Variants in SNTB1 observed in about 807,000 individuals in gnomAD.
The protein encoded by SNTB1 is beta-1-syntrophin.
A neutral mutation model predicts 48.9 loss-of-function variants in SNTB1; 36 were observed. That is an observed-to-expected ratio of 0.74 (90% CI 0.56 to 0.97). SNTB1 has a LOEUF of 0.97. Ranked by LOEUF, SNTB1 falls within the 50% of genes least tolerant of loss-of-function variation. SNTB1 has a pLI of 0.00. For synonymous variants in SNTB1, 299 were observed against 294.6 expected, an observed-to-expected ratio of 1.01 and a Z score of -0.15; for missense variants, 786 against 703.4, an observed-to-expected ratio of 1.12 and a Z score of -1.33.
Position 120,774,903 on chromosome 8 carries a change from C to T in SNTB1, c.571+36370G>A, listed in dbSNP as rs190600366. 5.7e-3 allele frequency among the ~76,000 whole-genome samples: 874 copies of T among 152,232 alleles called. 8 individuals are homozygous for T. The highest frequency in any genetic ancestry group is 0.02 in the African/African-American group (835 of 41,528). On this transcript the variant is annotated intron_variant, in intron 1 of 6. Coordinates refer to ENST00000517992, the MANE Select transcript of SNTB1 (RefSeq NM_021021.4). ...TCCTGACCTCAAGTGATCCACCTGCCTCAGCCTCCCCAAGTGCTGAGATTA... is the reference window on the plus strand; with the variant it reads ...TCCTGACCTCAAGTGATCCACCTGCTTCAGCCTCCCCAAGTGCTGAGATTA...
intron 4 of SNTB1, chr8:120,571,345 A>T (rs971997466): frequency 1.6e-6 from 2 of 1,288,022 alleles, no homozygotes; most frequent in South Asian, 2.5e-5. Context: ...GAATCTGAAG[A>T]TAATGTTCAC....
intron 4 of SNTB1, among the ~76,000 whole-genome samples, chr8:120,560,951 T>C (rs1815644104): frequency 6.6e-6 from 1 of 152,100 alleles, no homozygotes; most frequent in Non-Finnish European, 1.5e-5. Flanking sequence ...CCCACGGCTA[T>C]ATGACTACAG....
intron 4 of SNTB1, among the ~76,000 whole-genome samples, chr8:120,571,888 ATTAC>A (rs900215286): frequency 3.9e-5 from 6 of 152,100 alleles, no homozygotes; most frequent in Non-Finnish European, 7.3e-5. Context: ...CAAATATTAA[ATTAC>A]TTTTAAATTT....
chr8:120,568,942 T>C (rs540201024), intron 4 of SNTB1, among the ~76,000 whole-genome samples: 20 of 152,202 alleles, frequency 1.3e-4, no homozygotes, highest in Non-Finnish European at 2.4e-4. Context: ...GGTTGCATCA[T>C]AGACACTGAT....
At chr8:120,673,360 G>A (rs374379952) in intron 2 of SNTB1, among the ~76,000 whole-genome samples, 77 of 150,118 alleles carry the variant, frequency 5.1e-4, no homozygotes, top group Non-Finnish European at 8.9e-4. Context: ...GTGTGGTCTC[G>A]GCTCACTGCA....
intron 5 of SNTB1, among the ~76,000 whole-genome samples, chr8:120,546,714 T>A (rs1815386913): frequency 6.6e-6 from 1 of 152,090 alleles, no homozygotes; most frequent in African/African-American, 2.4e-5. Flanking sequence ...AGCTGATCCA[T>A]CCACCTCAGC....
At chr8:120,795,581 A>T (rs552819731) in intron 1 of SNTB1, among the ~76,000 whole-genome samples, 32 of 152,178 alleles carry the variant, frequency 2.1e-4, no homozygotes, top group African/African-American at 7.7e-4. Context: ...ACTCCCTATT[A>T]ACTTCTAATG....
chr8:120,677,325 C>T (rs556421301), intron 2 of SNTB1, among the ~76,000 whole-genome samples: 2 of 152,300 alleles, frequency 1.3e-5, no homozygotes, highest in South Asian at 4.1e-4. Context: ...TGGAAAGCTT[C>T]TACACTTTCT....
intron 3 of SNTB1, among the ~76,000 whole-genome samples, chr8:120,585,551 T>C (rs1044221342): frequency 4.6e-5 from 7 of 152,246 alleles, no homozygotes; most frequent in Non-Finnish European, 1.0e-4. Flanking sequence ...GTTAATATGT[T>C]GTTCCAGTAA....
intron 4 of SNTB1, among the ~76,000 whole-genome samples, chr8:120,552,636 C>T (rs900795789): frequency 6.6e-6 from 1 of 152,144 alleles, no homozygotes; most frequent in Non-Finnish European, 1.5e-5. Context: ...AGCCGCTGCA[C>T]CCGGCCAAAG....
At chr8:120,728,665 T>C (rs1334342492) in intron 1 of SNTB1, among the ~76,000 whole-genome samples, 1 of 152,250 alleles carries the variant, frequency 6.6e-6, no homozygotes, top group African/African-American at 2.4e-5. Flanking sequence ...GCAAAGGACA[T>C]GATTTCATTC....
chr8:120,705,305 G>C (rs1199949244), intron 1 of SNTB1, among the ~76,000 whole-genome samples: 2 of 152,138 alleles, frequency 1.3e-5, no homozygotes, highest in African/African-American at 4.8e-5. Context: ...ACTGTTGTGA[G>C]GATTCACTGA....
At chr8:120,543,121 T>C (rs1444942201) in intron 5 of SNTB1, among the ~76,000 whole-genome samples, 1 of 152,168 alleles carries the variant, frequency 6.6e-6, no homozygotes, top group Admixed American at 6.5e-5. Flanking sequence ...AGAGTCCTGC[T>C]CTTTAAGCTT....
At chr8:120,675,317 A>G (rs1817817886) in intron 2 of SNTB1, among the ~76,000 whole-genome samples, 1 of 152,218 alleles carries the variant, frequency 6.6e-6, no homozygotes, top group Non-Finnish European at 1.5e-5. Context: ...GAAAATATTA[A>G]TCAGCTTGAT....
intron 2 of SNTB1, among the ~76,000 whole-genome samples, chr8:120,650,481 C>T (rs1817395359): frequency 6.6e-6 from 1 of 151,900 alleles, no homozygotes; most frequent in South Asian, 2.1e-4. Context: ...TCCCTCACCC[C>T]CAACAAAACC....
chr8:120,704,450 T>G (rs73321251), intron 1 of SNTB1, among the ~76,000 whole-genome samples: 4,070 of 135,984 alleles, frequency 0.03, 165 homozygotes, highest in African/African-American at 0.12. Context: ...AACGAGACTT[T>G]GTGTCAAAAA....
intron 1 of SNTB1, among the ~76,000 whole-genome samples, chr8:120,703,556 A>G (rs1818337703): frequency 6.6e-6 from 1 of 152,190 alleles, no homozygotes. Flanking sequence ...AGGGTCAGGA[A>G]CCCTGCACTC....
chr8:120,603,776 C>T (rs1816464781), intron 3 of SNTB1, among the ~76,000 whole-genome samples: 1 of 152,186 alleles, frequency 6.6e-6, no homozygotes, highest in Admixed American at 6.5e-5. Context: ...TCAGAAGTCA[C>T]CTCAAAATGT....
At chr8:120,796,774 G>A (rs1820125687) in intron 1 of SNTB1, among the ~76,000 whole-genome samples, 1 of 151,974 alleles carries the variant, frequency 6.6e-6, no homozygotes, top group Non-Finnish European at 1.5e-5. Context: ...CTAAGTCTCA[G>A]GATTCTTCCC....
Sources: gnomAD v4.1 joint callset for allele counts (sites outside exome capture counted in the v4.1 genomes callset) on GRCh38, gnomAD v4.1.1 for gene constraint, MANE v1.5 for transcripts, NCBI Gene and HGNC (gene_info 2026-07-23, HGNC 2026-07-21) for gene names.